Variants in ITK observed in about 807,000 individuals in gnomAD.
The protein encoded by ITK is tyrosine-protein kinase ITK/TSK.
A neutral mutation model predicts 87.6 loss-of-function variants in ITK; 45 were observed. That is an observed-to-expected ratio of 0.51 (90% CI 0.40 to 0.66). ITK has a LOEUF of 0.66. Among genes scored for constraint, ITK ranks in the 30% least tolerant of loss-of-function variants. The pLI, the probability that ITK is intolerant of heterozygous loss-of-function variation, is 0.00. For synonymous variants in ITK, 303 were observed against 273.6 expected, an observed-to-expected ratio of 1.11 and a Z score of -1.06; for missense variants, 605 against 766.3, an observed-to-expected ratio of 0.79 and a Z score of 2.48.
At chr5:157,186,277 T>C (rs1185710747) in intron 1 of ITK, among the ~76,000 whole-genome samples, 1 of 151,570 alleles carries the variant, frequency 6.6e-6, no homozygotes, top group Non-Finnish European at 1.5e-5. Flanking sequence ...TCTTCTGCAA[T>C]GAAATATTTT....
intron 8 of ITK, among the ~76,000 whole-genome samples, chr5:157,234,480 C>A (rs1459057545): frequency 6.6e-6 from 1 of 152,058 alleles, no homozygotes; most frequent in African/African-American, 2.4e-5. Flanking sequence ...TATTTAGAGT[C>A]TTTTTATCTA....
At chr5:157,233,969 T>A (rs71585954) in intron 8 of ITK, among the ~76,000 whole-genome samples, 458 of 30,618 alleles carry the variant, frequency 0.015, no homozygotes, top group Non-Finnish European at 0.02. Flanking sequence ...ATATATTTTT[T>A]TTTTTTTTTT....
At chr5:157,193,675 C>T (rs1753793813) in intron 1 of ITK, among the ~76,000 whole-genome samples, 1 of 152,142 alleles carries the variant, frequency 6.6e-6, no homozygotes, top group Non-Finnish European at 1.5e-5. Context: ...AAATGTTCTT[C>T]AATGGACATT....
Position 157,180,897 on chromosome 5 carries a change from G to A in ITK, c.-81G>A, listed in dbSNP as rs1040832025. On this transcript the variant is annotated 5_prime_UTR_variant, in exon 1 of 17. Transcript: ENST00000422843. ...TCTGAAGATCAACTGCCTCCACATT[G>A]CATTCTTTGCCCCAAAACTCTTTCC... 9 of 1,397,880 alleles carry A rather than the reference G, an allele frequency of 6.4e-6. No homozygotes were observed. Among genetic ancestry groups the A allele is most frequent in the Middle Eastern group, 1.8e-4 (1 of 5,676 alleles). The allele number at this position is 1,397,880 out of a possible 1,614,324, so 86.6% of individuals were successfully genotyped here.
At chr5:157,231,189 C>T (rs1754644940) in intron 7 of ITK, among the ~76,000 whole-genome samples, 1 of 152,164 alleles carries the variant, frequency 6.6e-6, no homozygotes, top group Non-Finnish European at 1.5e-5. Context: ...TTACCTCACC[C>T]TATTTGAGTT....
intron 6 of ITK, among the ~76,000 whole-genome samples, chr5:157,223,945 A>T (rs995456278): frequency 6.6e-6 from 1 of 152,210 alleles, no homozygotes; most frequent in African/African-American, 2.4e-5. Flanking sequence ...AAATATACAT[A>T]AAAAATAAGC....
intron 16 of ITK, among the ~76,000 whole-genome samples, chr5:157,250,292 A>G (rs904297832): frequency 1.1e-4 from 17 of 152,154 alleles, no homozygotes; most frequent in Admixed American, 2.0e-4. Context: ...CTTTCTCAGA[A>G]TGCCATATAT....
chr5:157,234,079 C>T (rs570874326), intron 8 of ITK, among the ~76,000 whole-genome samples: 134 of 140,770 alleles, frequency 9.5e-4, no homozygotes, highest in Non-Finnish European at 1.7e-3. Context: ...TGCCTGGGTT[C>T]GAGTGATTCT....
At chr5:157,197,206 A>G (rs1753868963) in intron 1 of ITK, among the ~76,000 whole-genome samples, 1 of 152,200 alleles carries the variant, frequency 6.6e-6, no homozygotes, top group Non-Finnish European at 1.5e-5. Flanking sequence ...CCTCAAGAAG[A>G]ACATGAGAGA....
In ITK at chr5:157,217,872, A is replaced by G. The variant is rs759542045; in HGVS notation, c.460A>G (p.Lys154Glu). The G allele has an allele frequency of 1.9e-6, 3 of 1,613,826 alleles. No homozygotes were observed. The highest frequency in any genetic ancestry group is 3.3e-5 in the Admixed American group (2 of 59,990). The change falls in exon 5 of 17, where the codon AAG (lysine) becomes GAG (glutamate). Residue 154 changes from lysine (K) to glutamate (E), a missense_variant. Physicochemically the swap from Lys to Glu is moderately conservative, Grantham distance 56. Coordinates refer to ENST00000422843, the MANE Select transcript of ITK (RefSeq NM_005546.4). ...TCCTGTTTTTCTCTTTTCAGCTTCA[A>G]AGAAGCCTCTTCCTCCTACTCCTGA... is the stretch of plus-strand genomic sequence containing the variant. ...AQYDPTKNASKKPLPPTPEDN... is the reference protein window; with the variant it reads ...AQYDPTKNASEKPLPPTPEDN...
chr5:157,203,841 T>C (rs1381412656), intron 1 of ITK, among the ~76,000 whole-genome samples: 1 of 152,212 alleles, frequency 6.6e-6, no homozygotes, highest in Non-Finnish European at 1.5e-5. Context: ...TAGACTGATA[T>C]GTAGAGCAAG....
At chr5:157,188,313 A>G (rs1161716529) in intron 1 of ITK, among the ~76,000 whole-genome samples, 1 of 152,128 alleles carries the variant, frequency 6.6e-6, no homozygotes, top group Middle Eastern at 3.2e-3. Flanking sequence ...AAAACCCTCC[A>G]TGGCTATTTA....
chr5:157,239,263 A>G (rs905872795), intron 9 of ITK, among the ~76,000 whole-genome samples: 2 of 152,204 alleles, frequency 1.3e-5, no homozygotes, highest in Admixed American at 1.3e-4. Flanking sequence ...GCAACGGGAA[A>G]AGACACATGG....
chr5:157,213,112 G>A (rs1754223871), intron 3 of ITK, among the ~76,000 whole-genome samples: 1 of 152,144 alleles, frequency 6.6e-6, no homozygotes, highest in South Asian at 2.1e-4. Context: ...AGTTCTGTAT[G>A]GCTGGGAGGC....
At chr5:157,186,435 G>A (rs1452577704) in intron 1 of ITK, among the ~76,000 whole-genome samples, 1 of 151,882 alleles carries the variant, frequency 6.6e-6, no homozygotes, top group African/African-American at 2.4e-5. Flanking sequence ...AGCACTTTGG[G>A]AGGCTGGGGC....
At chr5:157,207,273 A>T (rs534672553) in intron 1 of ITK, among the ~76,000 whole-genome samples, 1 of 150,750 alleles carries the variant, frequency 6.6e-6, no homozygotes, top group Non-Finnish European at 1.5e-5. Flanking sequence ...CTGAGGGCAG[A>T]TCTCCCCCAC....
In ITK at chr5:157,202,038, T is replaced by A. The variant is rs900005858; in HGVS notation, c.139-6851T>A. Among the ~76,000 whole-genome samples, 3 of 152,120 alleles carry A rather than the reference T, an allele frequency of 2.0e-5. No homozygotes were observed. In the South Asian group the frequency reaches 6.2e-4, roughly 32 times the overall value. On this transcript the variant is annotated intron_variant, in intron 1 of 16. Coordinates refer to ENST00000422843, the MANE Select transcript of ITK (RefSeq NM_005546.4). The stretch of plus-strand genomic sequence containing the variant: ...TGTGGTGCCCTTCTTTATACCCATA[T>A]GTGCTCACTTTTTAGCCCCCACTTA...
intron 7 of ITK, among the ~76,000 whole-genome samples, chr5:157,228,573 A>G (rs754501114): frequency 6.6e-6 from 1 of 152,246 alleles, no homozygotes; most frequent in Non-Finnish European, 1.5e-5. Flanking sequence ...GGATAGAACA[A>G]AAAGGAACTT....
chr5:157,203,998 A>G (rs1754026647), intron 1 of ITK, among the ~76,000 whole-genome samples: 1 of 152,076 alleles, frequency 6.6e-6, no homozygotes, highest in Non-Finnish European at 1.5e-5. Flanking sequence ...CCTCTGTAGT[A>G]TTTTGTTTTG....
Sources: gnomAD v4.1 joint callset for allele counts (sites outside exome capture counted in the v4.1 genomes callset) on GRCh38, gnomAD v4.1.1 for gene constraint, MANE v1.5 for transcripts, NCBI Gene and HGNC (gene_info 2026-07-23, HGNC 2026-07-21) for gene names.